KDM6A: variants seen among roughly 807,000 people sequenced by gnomAD.
KDM6A encodes lysine-specific demethylase 6A.
A neutral mutation model predicts 117.6 loss-of-function variants in KDM6A; 11 were observed. The observed-to-expected ratio is 0.09, with a 90% confidence interval of 0.06 to 0.15. The LOEUF (loss-of-function observed/expected upper bound fraction) is 0.15. KDM6A is among the 10% of genes least tolerant of loss of function. The pLI is 1.00. For missense variants in KDM6A, 799 were observed against 1,077.3 expected (o/e 0.74, Z 3.62); for synonymous variants, 384 against 396.1 (o/e 0.97, Z 0.36).
chrX:44,957,979 G>A (rs2038434264), intron 2 of KDM6A, among the ~76,000 whole-genome samples: 1 of 111,328 alleles, frequency 9.0e-6, no homozygotes, highest in Non-Finnish European at 1.9e-5. Flanking sequence ...CACTAACCAT[G>A]TTTCAAAGTG....
chrX:45,063,795 A>C lies in KDM6A; in HGVS notation c.2057A>C (p.Asn686Thr). ...LTSSAEEPWK[N>T]QLSNSTQGLH... ...AGCAGCGCAGAGGAGCCGTGGAAAA[A>C]CCAACTATCTAACTCCACTCAGGTA... The change falls in exon 17 of 30, where the codon AAC (asparagine) becomes ACC (threonine). Residue 686 changes from asparagine to threonine, a missense_variant. Coordinates refer to ENST00000611820, the MANE Select transcript of KDM6A (RefSeq NM_001291415.2). 8.3e-7 allele frequency: 1 copy of C among 1,201,217 alleles called. No individual in the cohort carries two copies.
At chrX:44,938,580 G>GTGTAGCAAGTGCTAATGGAGAAT (rs2037112646) in intron 2 of KDM6A, among the ~76,000 whole-genome samples, 1 of 112,432 alleles carries the variant, frequency 8.9e-6, no homozygotes, top group African/African-American at 3.2e-5. Flanking sequence ...TAATGGAGAA[G>GTGTAGCAAGTGCTAATGGAGAAT]TGTAGCAAGT....
intron 2 of KDM6A, among the ~76,000 whole-genome samples, chrX:44,933,309 C>T (rs1224220730): frequency 1.0e-5 from 1 of 96,733 alleles, no homozygotes; most frequent in Admixed American, 1.1e-4. Flanking sequence ...ACTCTGTCGC[C>T]CAGGCTGGAG....
intron 2 of KDM6A, among the ~76,000 whole-genome samples, chrX:44,888,962 C>T (rs2057386959): frequency 8.9e-6 from 1 of 111,920 alleles, no homozygotes; most frequent in Admixed American, 9.6e-5. Flanking sequence ...CTAAGAGTAG[C>T]AAGAGTCGCT....
chrX:45,029,441 A>C (rs750977466), intron 6 of KDM6A, among the ~76,000 whole-genome samples: 67 of 109,296 alleles, frequency 6.1e-4, no homozygotes, highest in Non-Finnish European at 7.4e-4. Context: ...CTAATAAATA[A>C]ATACATACAT....
At position 45,070,001 on chromosome X, in the gene KDM6A, C is replaced by T. The variant is rs965420348; in HGVS notation, c.2502C>T (p.Ala834=). 10 of 1,209,974 alleles carry T rather than the reference C, an allele frequency of 8.3e-6. No individual in the cohort carries two copies. In the African/African-American group the frequency reaches 1.6e-4, roughly 19 times the overall value. The part of the protein sequence containing the change: ...LLSSDNPQLS[A]LLMGKANNNV... ...GTTCAGACAATCCTCAGCTCTCTGC[C>T]TTGTTGATGGGAAAAGCCAATAACA... is the stretch of plus-strand genomic sequence containing the variant. Residue 834 remains alanine, a synonymous_variant, in exon 18 of 30, where the codon GCC becomes GCT. Transcript: ENST00000611820.
At chrX:44,971,922 T>G (rs1353077800) in intron 3 of KDM6A, among the ~76,000 whole-genome samples, 2 of 109,367 alleles carry the variant, frequency 1.8e-5, no homozygotes, top group African/African-American at 6.7e-5. Flanking sequence ...GATAAGAGCT[T>G]AGAAAAGTAA....
At chrX:45,000,671 A>G (rs1485782865) in intron 4 of KDM6A, among the ~76,000 whole-genome samples, 2 of 112,782 alleles carry the variant, frequency 1.8e-5, no homozygotes, top group Non-Finnish European at 1.9e-5. Context: ...CTGTCGTGAG[A>G]GACACGAAGT....
intron 5 of KDM6A, among the ~76,000 whole-genome samples, chrX:45,016,511 A>G (rs1215253373): frequency 9.2e-6 from 1 of 108,751 alleles, no homozygotes; most frequent in Admixed American, 9.9e-5. Context: ...TTGTTTATTT[A>G]TTTATTTGAG....
At chrX:44,911,762 C>T (rs765311777) in intron 2 of KDM6A, among the ~76,000 whole-genome samples, 2 of 112,025 alleles carry the variant, frequency 1.8e-5, no homozygotes, top group South Asian at 3.7e-4. Flanking sequence ...AACGAGACTC[C>T]GTCTGCAATA....
chrX:45,027,058 C>G (rs2042397013), intron 6 of KDM6A, among the ~76,000 whole-genome samples: 1 of 110,350 alleles, frequency 9.1e-6, no homozygotes, highest in Admixed American at 9.7e-5. Flanking sequence ...ACCCAGCACC[C>G]AGCACTTTCG....
intron 17 of KDM6A, among the ~76,000 whole-genome samples, chrX:45,067,469 C>T (rs1602844582): frequency 9.0e-6 from 1 of 110,876 alleles, no homozygotes; most frequent in East Asian, 2.8e-4. Context: ...CCTACCCAGA[C>T]TTTCTTGGAT....
At position 44,960,104 on chromosome X, in the gene KDM6A, G is replaced by A. The variant is rs181565829; in HGVS notation, c.226-1180G>A. Among the ~76,000 whole-genome samples, 26 of 111,723 alleles carry A rather than the reference G, an allele frequency of 2.3e-4. No individual in the cohort carries two copies. The East Asian group carries it at 5.9e-3, about 25-fold the overall frequency. On this transcript the variant is annotated intron_variant, in intron 2 of 29. Coordinates refer to ENST00000611820, the MANE Select transcript of KDM6A (RefSeq NM_001291415.2). ...CAGGAGAGGAAAAATGAAGGCATTC[G>A]AAGTGAGTACTCTGTCCCACATCAC...
At chrX:45,079,508 T>C (rs1369217106) in intron 21 of KDM6A, among the ~76,000 whole-genome samples, 157 bp downstream of exon 21, 4 of 100,177 alleles carry the variant, frequency 4.0e-5, no homozygotes, top group Non-Finnish European at 7.7e-5. Context: ...TATATATGTA[T>C]GTATGTATGT....
At chrX:44,921,278 A>G (rs758023641) in intron 2 of KDM6A, among the ~76,000 whole-genome samples, 6 of 111,985 alleles carry the variant, frequency 5.4e-5, no homozygotes, top group Admixed American at 9.5e-5. Flanking sequence ...TCTTTACCCA[A>G]CTTTCCCCAA....
rs777537318 is a variant in KDM6A, at chrX:45,078,111, A to G, written c.2989-289A>G. 4.5e-5 allele frequency among the ~76,000 whole-genome samples: 5 copies of G among 112,240 alleles called. No homozygotes were observed. In the Admixed American group the frequency reaches 4.7e-4, roughly 11 times the overall value. On this transcript the variant is annotated intron_variant, in intron 19 of 29. Transcript: ENST00000611820. The stretch of plus-strand genomic sequence containing the variant: ...CAGCATGTGTCAAGATTGTCTTTTC[A>G]TTTTAAGACTGAATAATATTTAAAA...
chrX:45,027,336 A>AACAC (rs200245833), intron 6 of KDM6A, among the ~76,000 whole-genome samples: 4,353 of 98,096 alleles, frequency 0.044, 71 homozygotes, highest in Middle Eastern at 0.097. Context: ...CATAGTGTGA[A>AACAC]ACACACACAC....
At chrX:45,099,579 T>G (rs1188421722) in intron 27 of KDM6A, among the ~76,000 whole-genome samples, 1 of 111,882 alleles carries the variant, frequency 8.9e-6, no homozygotes, top group African/African-American at 3.2e-5. Flanking sequence ...CAGAGATATC[T>G]TCCTTAGTGG....
chrX:45,043,438 G>A (rs1050352705), intron 8 of KDM6A, among the ~76,000 whole-genome samples: 7 of 111,213 alleles, frequency 6.3e-5, no homozygotes, highest in African/African-American at 2.3e-4. Flanking sequence ...TATCTTTTAT[G>A]ATCTTATAGA....
Sources: allele counts gnomAD v4.1 joint callset (sites outside exome capture counted in the v4.1 genomes callset), GRCh38; gene constraint gnomAD v4.1.1; transcripts MANE v1.5; gene names NCBI Gene and HGNC (gene_info 2026-07-23, HGNC 2026-07-21).